BCL7B: variants seen among roughly 807,000 people sequenced by gnomAD.
The protein encoded by BCL7B is BAF chromatin remodeling complex subunit BCL7B.
A neutral mutation model predicts 26.5 loss-of-function variants in BCL7B; 11 were observed. The ratio of observed to expected loss-of-function variants is 0.42; its 90% CI spans 0.26 to 0.69. The LOEUF is 0.69. Among genes scored for constraint, BCL7B ranks in the 30% least tolerant of loss-of-function variants. The pLI is 0.28. For missense variants in BCL7B, 215 were observed against 264.4 expected, an observed-to-expected ratio of 0.81 and a Z score of 1.30; for synonymous variants, 111 against 107.9, an observed-to-expected ratio of 1.03 and a Z score of -0.18.
chr7:73,556,169 G>T (rs1407963405), intron 1 of BCL7B, among the ~76,000 whole-genome samples: 1 of 152,164 alleles, frequency 6.6e-6, no homozygotes, highest in African/African-American at 2.4e-5. Flanking sequence ...TATTTATACT[G>T]AAACCCAACT....
chr7:73,542,532 G>T (rs895298490), intron 3 of BCL7B, among the ~76,000 whole-genome samples: 2 of 152,166 alleles, frequency 1.3e-5, no homozygotes, highest in African/African-American at 2.4e-5. Context: ...ACAAAACACT[G>T]TTCCTCCCTG....
At chr7:73,542,866 G>C (rs1791819811) in intron 3 of BCL7B, 1 of 450,494 alleles carries the variant, frequency 2.2e-6, no homozygotes, top group African/African-American at 2.0e-5. Flanking sequence ...CTTGAGGCCA[G>C]GAGTTCACAA....
intron 2 of BCL7B, among the ~76,000 whole-genome samples, chr7:73,548,152 G>A (rs1431066978): frequency 2.0e-5 from 3 of 152,088 alleles, no homozygotes; most frequent in African/African-American, 7.2e-5. Context: ...AGGCGAGCCT[G>A]GGCGCAGTGG....
At chr7:73,549,712 C>T (rs1232064422) in intron 2 of BCL7B, among the ~76,000 whole-genome samples, 1 of 152,212 alleles carries the variant, frequency 6.6e-6, no homozygotes, top group African/African-American at 2.4e-5. Flanking sequence ...TGCCTGTGGT[C>T]CCAGCTTCTC....
intron 2 of BCL7B, among the ~76,000 whole-genome samples, chr7:73,545,457 C>T (rs1486985254): frequency 6.6e-6 from 1 of 152,098 alleles, no homozygotes; most frequent in Non-Finnish European, 1.5e-5. Flanking sequence ...CCAGGATGGT[C>T]TCAATCCGCC....
At position 73,540,050 on chromosome 7, in the gene BCL7B, C is replaced by G; in HGVS notation, c.268G>C (p.Glu90Gln). The G allele has an allele frequency of 6.2e-7, 1 of 1,613,254 alleles. No homozygotes were observed. Among genetic ancestry groups the G allele is most frequent in the Non-Finnish European group, 8.5e-7 (1 of 1,179,792 alleles). The change falls in exon 4 of 6, where the codon GAA (glutamate) becomes CAA (glutamine). Residue 90 changes from glutamate (E) to glutamine (Q), a missense_variant and splice_region_variant. By Grantham distance (29) the Glu-to-Gln change is conservative (BLOSUM62 2). Coordinates refer to ENST00000223368, the MANE Select transcript of BCL7B (RefSeq NM_001707.4). ...NSSLLLEFQD[E>Q]NSNQSSVSDV... ...GACACGGAACTCTGGTTGCTGTTTTCGTCTGAAAACCAAACAGAACAAAGG... is the reference window on the plus strand; with the variant it reads ...GACACGGAACTCTGGTTGCTGTTTTGGTCTGAAAACCAAACAGAACAAAGG...
At chr7:73,550,847 CG>C (rs1382966949) in intron 2 of BCL7B, among the ~76,000 whole-genome samples, 2 of 151,682 alleles carry the variant, frequency 1.3e-5, no homozygotes, top group African/African-American at 4.8e-5. Context: ...TTAGTAGAGA[CG>C]GGGTTTCACC....
At chr7:73,548,938 C>A (rs1012350995) in intron 2 of BCL7B, among the ~76,000 whole-genome samples, 2 of 147,768 alleles carry the variant, frequency 1.4e-5, no homozygotes, top group African/African-American at 2.7e-5. Flanking sequence ...CTCAAAAAAA[C>A]AAACAAACAA....
intron 2 of BCL7B, chr7:73,543,964 G>A (rs993710797): frequency 1.5e-4 from 28 of 192,096 alleles, no homozygotes; most frequent in African/African-American, 6.1e-4. Flanking sequence ...TTCTCTATAC[G>A]AATGGGCAAG....
In BCL7B at chr7:73,537,288, C is replaced by T. The variant is rs782140570; in HGVS notation, c.*10G>A. The T allele has an allele frequency of 2.7e-5, 43 of 1,613,552 alleles. No individual in the cohort carries two copies. The East Asian group carries it at 4.7e-4, about 18-fold the overall frequency. ...GAGGCAGGGCCAGGAGGCGGAGGGC[C>T]GGGATGGTGCTAGCTTTCTGACGCC... On this transcript the variant is annotated 3_prime_UTR_variant, in exon 6 of 6. Coordinates refer to ENST00000223368, the MANE Select transcript of BCL7B (RefSeq NM_001707.4).
Position 73,537,202 on chromosome 7 carries a change from A to T in BCL7B, c.*96T>A. The T allele has an allele frequency of 8.4e-7, 1 of 1,196,336 alleles. No homozygotes were observed. The highest frequency in any genetic ancestry group is 1.2e-6 in the Non-Finnish European group (1 of 818,050). The allele number at this position is 1,196,336 out of a possible 1,614,324, so 74.1% of individuals were successfully genotyped here. On this transcript the variant is annotated 3_prime_UTR_variant, in exon 6 of 6. Coordinates refer to ENST00000223368, the MANE Select transcript of BCL7B (RefSeq NM_001707.4). ...GAAGGCTCATGTGTGCAGGCTCTTGACCCCAGTGCTTGCCCTTACCCCAGC... is the reference window on the plus strand; with the variant it reads ...GAAGGCTCATGTGTGCAGGCTCTTGTCCCCAGTGCTTGCCCTTACCCCAGC...
intron 4 of BCL7B, among the ~76,000 whole-genome samples, chr7:73,538,696 C>CCTA (rs1438848009): frequency 1.3e-5 from 2 of 151,654 alleles, no homozygotes; most frequent in African/African-American, 4.8e-5. Context: ...GGCTTACAGT[C>CCTA]CTACTACTAC....
intron 1 of BCL7B, chr7:73,556,915 G>A (rs2115842524): frequency 2.1e-6 from 2 of 970,372 alleles, no homozygotes; most frequent in Middle Eastern, 5.3e-4. Context: ...CAGCCGCCGG[G>A]GCAGCAAGAG....
intron 3 of BCL7B, 164 bp from the exon 4 acceptor site, chr7:73,540,216 A>G: frequency 1.4e-6 from 1 of 696,484 alleles, no homozygotes. Context: ...TAAGCACCAG[A>G]GGCAGCCAGA....
intron 3 of BCL7B, among the ~76,000 whole-genome samples, chr7:73,540,830 A>C (rs1554582780): frequency 1.7e-4 from 1 of 5,822 alleles, no homozygotes; most frequent in Non-Finnish European, 4.0e-4. Context: ...ACTCTGTCTC[A>C]AAAAAAAAAA....
At chr7:73,539,840 A>T (rs1167260978) in intron 4 of BCL7B, 42 bp downstream of exon 4, 10 of 1,599,016 alleles carry the variant, frequency 6.3e-6, no homozygotes, top group Non-Finnish European at 8.5e-6. Context: ...GCAGAAAGCA[A>T]GGCCCTTCTA....
intron 3 of BCL7B, among the ~76,000 whole-genome samples, chr7:73,541,238 T>TGGG (rs1420963649): frequency 6.6e-6 from 1 of 152,042 alleles, no homozygotes; most frequent in East Asian, 1.9e-4. Context: ...GTCACCAAAG[T>TGGG]GTTTCCCCCT....
At chr7:73,544,745 GT>G (rs1791894524) in intron 2 of BCL7B, among the ~76,000 whole-genome samples, 1 of 152,124 alleles carries the variant, frequency 6.6e-6, no homozygotes, top group Non-Finnish European at 1.5e-5. Context: ...CAGTGGGCAG[GT>G]AAGCACCAGC....
At chr7:73,554,904 C>A (rs1481985274) in intron 1 of BCL7B, among the ~76,000 whole-genome samples, 1 of 151,444 alleles carries the variant, frequency 6.6e-6, no homozygotes, top group Non-Finnish European at 1.5e-5. Context: ...AATTCCTGAA[C>A]AGACCACTCC....
Sources: gnomAD v4.1 joint callset for allele counts (sites outside exome capture counted in the v4.1 genomes callset) on GRCh38, gnomAD v4.1.1 for gene constraint, MANE v1.5 for transcripts, NCBI Gene and HGNC (gene_info 2026-07-23, HGNC 2026-07-21) for gene names.